Variants in RAP1GDS1 observed in about 807,000 individuals in gnomAD.
RAP1GDS1 encodes the protein Rap1 GTPase-GDP dissociation stimulator 1.
Under a neutral mutation model 71.1 loss-of-function variants are expected in RAP1GDS1, and 35 were observed. The ratio of observed to expected loss-of-function variants is 0.49; its 90% CI spans 0.38 to 0.65. The LOEUF (loss-of-function observed/expected upper bound fraction) is 0.65. RAP1GDS1 is among the 30% of genes least tolerant of loss of function. The probability of loss-of-function intolerance (pLI) is 0.00; values close to 1 mark genes in which losing one functional copy is unlikely to be tolerated. For missense variants in RAP1GDS1, 663 were observed against 706.1 expected, an observed-to-expected ratio of 0.94 and a Z score of 0.69; for synonymous variants, 229 against 243.1, an observed-to-expected ratio of 0.94 and a Z score of 0.54.
In RAP1GDS1 at chr4:98,364,798, C is replaced by A. The variant is rs570646282; in HGVS notation, c.361+12197C>A. Among the ~76,000 whole-genome samples, 4 of 151,568 alleles carry A rather than the reference C, an allele frequency of 2.6e-5. No individual in the cohort carries two copies. In the South Asian group the frequency reaches 8.4e-4, roughly 32 times the overall value. On this transcript the variant is annotated intron_variant, in intron 4 of 14. Coordinates refer to ENST00000408927, the MANE Select transcript of RAP1GDS1 (RefSeq NM_001100427.2). ...TCCCAGCATTTTGGGGAGGCTAAGG[C>A]TGGAGGATCACTGGAGTCCAGGAGT...
intron 7 of RAP1GDS1, among the ~76,000 whole-genome samples, chr4:98,408,615 G>A (rs896988422): frequency 6.6e-6 from 1 of 152,046 alleles, no homozygotes; most frequent in Non-Finnish European, 1.5e-5. Context: ...TTAAAGGCTA[G>A]TCTCACCATG....
At chr4:98,306,779 A>C (rs1366385974) in intron 2 of RAP1GDS1, among the ~76,000 whole-genome samples, 1 of 152,182 alleles carries the variant, frequency 6.6e-6, no homozygotes, top group Non-Finnish European at 1.5e-5. Flanking sequence ...GGGTAGTATC[A>C]TGCTACTTTT....
At chr4:98,284,455 C>G (rs1185198104) in intron 1 of RAP1GDS1, among the ~76,000 whole-genome samples, 3 of 152,028 alleles carry the variant, frequency 2.0e-5, no homozygotes, top group Non-Finnish European at 4.4e-5. Flanking sequence ...GAGCTAAAAC[C>G]AATCAAAGAC....
chr4:98,301,988 C>T (rs938477612), intron 2 of RAP1GDS1, among the ~76,000 whole-genome samples: 1 of 152,082 alleles, frequency 6.6e-6, no homozygotes, highest in Non-Finnish European at 1.5e-5. Flanking sequence ...GGATATTTAT[C>T]CCAAATTGTT....
At chr4:98,352,088 C>G (rs1737288707) in intron 3 of RAP1GDS1, among the ~76,000 whole-genome samples, 1 of 151,570 alleles carries the variant, frequency 6.6e-6, no homozygotes, top group Non-Finnish European at 1.5e-5. Context: ...TAGTTTATAA[C>G]TGTAGTACTT....
chr4:98,320,559 C>A (rs995068182), intron 2 of RAP1GDS1, among the ~76,000 whole-genome samples: 3 of 152,068 alleles, frequency 2.0e-5, no homozygotes, highest in South Asian at 4.2e-4. Flanking sequence ...TCTCCCAGCA[C>A]GCAGCTGGAG....
chr4:98,421,178 ACT>A, intron 11 of RAP1GDS1, 75 bp from the exon 12 acceptor site: 1 of 1,373,294 alleles, frequency 7.3e-7, no homozygotes, highest in Non-Finnish European at 9.7e-7. Context: ...CGTCCTTCAC[ACT>A]CTCAAATCTG....
chr4:98,423,683 C>G (rs1040082323), intron 12 of RAP1GDS1, among the ~76,000 whole-genome samples: 2 of 151,914 alleles, frequency 1.3e-5, no homozygotes, highest in Non-Finnish European at 2.9e-5. Flanking sequence ...TAGCTAGGAT[C>G]ACAGGCGTGC....
chr4:98,371,776 G>A (rs1398365005), intron 4 of RAP1GDS1, among the ~76,000 whole-genome samples: 1 of 152,032 alleles, frequency 6.6e-6, no homozygotes. Context: ...TTTTTCTGAT[G>A]TCTACTATGT....
chr4:98,284,127 A>T (rs1725628315), intron 1 of RAP1GDS1, among the ~76,000 whole-genome samples: 2 of 152,174 alleles, frequency 1.3e-5, no homozygotes, highest in African/African-American at 4.8e-5. Context: ...TAGCTTTCTC[A>T]TCTATTACAG....
rs1038255125 is a variant in RAP1GDS1, at chr4:98,443,149, G to C, written c.*1032G>C. On this transcript the variant is annotated 3_prime_UTR_variant, in exon 15 of 15. Coordinates refer to ENST00000408927, the MANE Select transcript of RAP1GDS1 (RefSeq NM_001100427.2). ...GGTGGAAAGATGAAGAAATAAGCTT[G>C]TCTAGACTAAAGAAAGGAAAGCAGG... 4.5e-6 allele frequency: 1 copy of C among 223,960 alleles called. No individual in the cohort carries two copies. The allele number at this position is 223,960 out of a possible 1,614,324, so 13.9% of individuals were successfully genotyped here.
At chr4:98,392,317 G>T in intron 6 of RAP1GDS1, 1 of 353,204 alleles carries the variant, frequency 2.8e-6, no homozygotes, top group East Asian at 5.5e-5. Context: ...AATGTTTAAA[G>T]CTCACATTGT....
At chr4:98,422,513 G>A (rs1356671779) in intron 12 of RAP1GDS1, among the ~76,000 whole-genome samples, 1 of 152,098 alleles carries the variant, frequency 6.6e-6, no homozygotes, top group Non-Finnish European at 1.5e-5. Flanking sequence ...ACCATGCCCA[G>A]CCTTTAATAC....
intron 1 of RAP1GDS1, among the ~76,000 whole-genome samples, chr4:98,288,031 T>C (rs1408052653): frequency 1.3e-5 from 2 of 152,162 alleles, no homozygotes; most frequent in African/African-American, 2.4e-5. Flanking sequence ...AGTTTTCTTA[T>C]TTGTTTTTCT....
chr4:98,319,181 T>A (rs1393756018), intron 2 of RAP1GDS1, among the ~76,000 whole-genome samples: 1 of 152,234 alleles, frequency 6.6e-6, no homozygotes, highest in Non-Finnish European at 1.5e-5. Flanking sequence ...TGTGTCTTGT[T>A]AGCCATTTGC....
chr4:98,386,226 T>A (rs1490893065), intron 5 of RAP1GDS1, among the ~76,000 whole-genome samples: 3 of 151,844 alleles, frequency 2.0e-5, no homozygotes, highest in African/African-American at 7.2e-5. Flanking sequence ...TGGGGAAAAA[T>A]TATCTACTAG....
chr4:98,261,631 G>A, intron 1 of RAP1GDS1, 62 bp downstream of exon 1: 2 of 1,553,140 alleles, frequency 1.3e-6, no homozygotes, highest in Non-Finnish European at 1.8e-6. Context: ...CGTGCTGCAG[G>A]GTGGGAAGCA....
At chr4:98,343,296 C>T (rs1465500411) in intron 3 of RAP1GDS1, 35 bp downstream of exon 3, 4 of 1,552,976 alleles carry the variant, frequency 2.6e-6, no homozygotes, top group South Asian at 1.1e-5. Flanking sequence ...CTGCTGGGAA[C>T]GTCTTCAGTT....
intron 7 of RAP1GDS1, among the ~76,000 whole-genome samples, chr4:98,405,716 A>G (rs1167834041): frequency 6.6e-6 from 1 of 152,122 alleles, no homozygotes; most frequent in Non-Finnish European, 1.5e-5. Flanking sequence ...CTTCAAAGTA[A>G]CAACAGTTTG....
Sources: allele counts gnomAD v4.1 joint callset (sites outside exome capture counted in the v4.1 genomes callset), GRCh38; gene constraint gnomAD v4.1.1; transcripts MANE v1.5; gene names NCBI Gene and HGNC (gene_info 2026-07-23, HGNC 2026-07-21).